Variants in ROS1 observed in about 807,000 individuals in gnomAD.
ROS1 encodes ROS proto-oncogene 1, receptor tyrosine kinase.
In ROS1, 263 loss-of-function variants were observed where a neutral mutation model predicts 273.5. The ratio of observed to expected loss-of-function variants is 0.96; its 90% confidence interval spans 0.87 to 1.06. The LOEUF (loss-of-function observed/expected upper bound fraction) is 1.06. Among genes scored for constraint, ROS1 ranks in the 50% least tolerant of loss-of-function variants. The probability of loss-of-function intolerance (pLI) is 0.00; values close to 1 mark genes in which losing one functional copy is unlikely to be tolerated. For missense variants in ROS1, 2,833 were observed against 2,751.1 expected (o/e 1.03, Z -0.67); for synonymous variants, 1,008 against 954.1 (o/e 1.06, Z -1.04).
Position 117,359,898 on chromosome 6 carries a change from C to G in ROS1, c.3544G>C (p.Val1182Leu). The change falls in exon 24 of 44, where the codon GTT (valine) becomes CTT (leucine). Residue 1182 changes from valine to leucine, a missense_variant. Physicochemically the swap from Val to Leu is conservative, Grantham distance 32. Coordinates refer to ENST00000368507, the MANE Select transcript of ROS1 (RefSeq NM_001378902.1). The stretch of plus-strand genomic sequence containing the variant: ...ATCTCATTATCAGCTGTGTAGCAAA[C>G]GGCACTGATAACTCTTTCTGCTGAA... ...TFSAERVISAVCYTADNEMGY... is the reference protein window; with the variant it reads ...TFSAERVISALCYTADNEMGY... 2 of 1,613,850 alleles carry G rather than the reference C, an allele frequency of 1.2e-6. No individual in the cohort carries two copies. The highest frequency in any genetic ancestry group is 1.7e-6 in the Non-Finnish European group (2 of 1,179,840).
intron 23 of ROS1, 124 bp downstream of exon 23, chr6:117,360,218 T>G: frequency 1.2e-6 from 1 of 849,650 alleles, no homozygotes; most frequent in Non-Finnish European, 1.8e-6. Context: ...AAAACATGTT[T>G]TTGACCTAAA....
chr6:117,417,024 C>T (rs995172055), intron 2 of ROS1, among the ~76,000 whole-genome samples: 2 of 152,032 alleles, frequency 1.3e-5, no homozygotes, highest in Non-Finnish European at 2.9e-5. Flanking sequence ...AGCTTTTTCT[C>T]CTCTCACTCT....
At chr6:117,323,021 C>G (rs190939581) in intron 35 of ROS1, among the ~76,000 whole-genome samples, 107 of 152,198 alleles carry the variant, frequency 7.0e-4, no homozygotes, top group African/African-American at 2.5e-3. Context: ...TTCTCCTTCC[C>G]AGTAGGAAAG....
At chr6:117,407,708 A>G (rs1774530986) in intron 5 of ROS1, among the ~76,000 whole-genome samples, 1 of 152,226 alleles carries the variant, frequency 6.6e-6, no homozygotes, top group Admixed American at 6.5e-5. Context: ...AGAATTAGAA[A>G]AACTACTTTA....
intron 5 of ROS1, among the ~76,000 whole-genome samples, chr6:117,408,648 C>A (rs1774631803): frequency 6.6e-6 from 1 of 152,200 alleles, no homozygotes; most frequent in African/African-American, 2.4e-5. Context: ...TTGTGGAAGT[C>A]AGTGTGGCGA....
chr6:117,399,302 C>T (rs1773760012), intron 7 of ROS1, among the ~76,000 whole-genome samples: 1 of 152,236 alleles, frequency 6.6e-6, no homozygotes, highest in Non-Finnish European at 1.5e-5. Context: ...TGTTGGATAA[C>T]ATATGGCATT....
At position 117,404,293 on chromosome 6, in the gene ROS1, C is replaced by T. The variant is rs2128726303; in HGVS notation, c.452G>A (p.Trp151Ter). Reference sequence around the variant, plus strand: ...AGCCTTTCATACCTTAGTATAAGTCCAGCTTCCCAGAAGTTGTGCATATTT... The same window carrying T: ...AGCCTTTCATACCTTAGTATAAGTCTAGCTTCCCAGAAGTTGTGCATATTT... The part of the protein sequence containing the change: ...QWKYAQLLGS[W>*]TYTKTVSRPS... Residue 151 changes from tryptophan (W) to a stop codon, truncating the protein, a stop_gained, in exon 6 of 44, where the codon TGG (tryptophan) becomes TAG (stop). Transcript: ENST00000368507. LOFTEE classifies it high-confidence loss of function. The T allele has an allele frequency of 1.2e-6, 2 of 1,613,858 alleles. No homozygotes were observed. Among genetic ancestry groups the T allele is most frequent in the East Asian group, 4.5e-5 (2 of 44,854 alleles).
chr6:117,332,910 A>T (rs983521137), intron 32 of ROS1, among the ~76,000 whole-genome samples: 1 of 152,162 alleles, frequency 6.6e-6, no homozygotes, highest in Non-Finnish European at 1.5e-5. Context: ...TCAAATCGTC[A>T]CCCTAACATC....
At chr6:117,356,092 T>C (rs1779284445) in intron 26 of ROS1, among the ~76,000 whole-genome samples, 1 of 152,214 alleles carries the variant, frequency 6.6e-6, no homozygotes, top group African/African-American at 2.4e-5. Context: ...TCTACAAGCA[T>C]CTGAATTTCA....
intron 18 of ROS1, among the ~76,000 whole-genome samples, chr6:117,378,146 C>T (rs1006200497): frequency 6.6e-6 from 1 of 152,154 alleles, no homozygotes; most frequent in African/African-American, 2.4e-5. Flanking sequence ...TCTATCTACC[C>T]TATCACCCAG....
intron 27 of ROS1, among the ~76,000 whole-genome samples, chr6:117,348,020 C>T (rs9489135): frequency 0.14 from 21,950 of 151,896 alleles, 1,627 homozygotes; most frequent in South Asian, 0.17. Context: ...AGAGAGACAC[C>T]GGTCTAAAAT....
intron 16 of ROS1, among the ~76,000 whole-genome samples, 192 bp from the exon 17 acceptor site, chr6:117,383,700 T>A (rs1216347603): frequency 6.6e-6 from 1 of 152,238 alleles, no homozygotes; most frequent in South Asian, 2.1e-4. Flanking sequence ...GCATGGCACC[T>A]GCCCTCATGG....
At chr6:117,360,159 C>G (rs1779669877) in intron 23 of ROS1, 148 bp from the exon 24 acceptor site, 1 of 773,148 alleles carries the variant, frequency 1.3e-6, no homozygotes, top group South Asian at 1.8e-5. Context: ...CTTGTAGGCT[C>G]TCTACCCCTA....
At chr6:117,381,771 A>G (rs1280466327) in intron 17 of ROS1, among the ~76,000 whole-genome samples, 2 of 152,126 alleles carry the variant, frequency 1.3e-5, no homozygotes, top group Admixed American at 1.3e-4. Flanking sequence ...CAGTAGTGGG[A>G]TTGCTGGATC....
At chr6:117,402,888 CAAA>C (rs10617636) in intron 7 of ROS1, among the ~76,000 whole-genome samples, 282 of 113,868 alleles carry the variant, frequency 2.5e-3, no homozygotes, top group African/African-American at 6.3e-3. Flanking sequence ...ACTCTGTCTC[CAAA>C]AAAAAAAAAA....
At chr6:117,388,173 C>T in intron 13 of ROS1, 181 bp from the exon 14 acceptor site, 2 of 892,870 alleles carry the variant, frequency 2.2e-6, no homozygotes, top group South Asian at 1.7e-5. Context: ...GTGTTCATTC[C>T]TCATGCCGCT....
At chr6:117,378,227 T>C (rs1781497167) in intron 18 of ROS1, among the ~76,000 whole-genome samples, 1 of 152,210 alleles carries the variant, frequency 6.6e-6, no homozygotes. Context: ...TTCAGTTTTA[T>C]GCATAATAAC....
intron 18 of ROS1, among the ~76,000 whole-genome samples, chr6:117,367,096 TG>T (rs1437225615): frequency 6.6e-6 from 1 of 152,108 alleles, no homozygotes; most frequent in East Asian, 1.9e-4. Flanking sequence ...AGTATAAATT[TG>T]CCATATGTAG....
intron 1 of ROS1, among the ~76,000 whole-genome samples, chr6:117,420,802 G>C (rs115746565): frequency 0.021 from 3,164 of 152,024 alleles, 113 homozygotes; most frequent in African/African-American, 0.072. Flanking sequence ...TTATAGTGCA[G>C]TGCAGGCACT....
Sources: gnomAD v4.1 joint callset for allele counts (sites outside exome capture counted in the v4.1 genomes callset) on GRCh38, gnomAD v4.1.1 for gene constraint, MANE v1.5 for transcripts, NCBI Gene and HGNC (gene_info 2026-07-23, HGNC 2026-07-21) for gene names.